EPB41: variants seen among roughly 807,000 people sequenced by gnomAD.
The protein encoded by EPB41 is erythrocyte membrane protein band 4.1.
Under a neutral mutation model 108.0 loss-of-function variants are expected in EPB41, and 65 were observed. That is an observed-to-expected ratio of 0.60 (90% CI 0.49 to 0.74). EPB41 has a LOEUF of 0.74. EPB41 is among the 30% of genes least tolerant of loss of function. The pLI, the probability that EPB41 is intolerant of heterozygous loss-of-function variation, is 0.00. For synonymous variants in EPB41, 336 were observed against 358.9 expected (o/e 0.94, Z 0.72); for missense variants, 875 against 1,037.0 (o/e 0.84, Z 2.15).
intron 7 of EPB41, among the ~76,000 whole-genome samples, chr1:29,021,015 A>G (rs1053344737): frequency 6.6e-6 from 1 of 152,170 alleles, no homozygotes; most frequent in Non-Finnish European, 1.5e-5. Flanking sequence ...CTCTCATCCA[A>G]TGCTTGATTC....
intron 11 of EPB41, among the ~76,000 whole-genome samples, chr1:29,046,347 T>C (rs1048840744): frequency 6.6e-6 from 1 of 152,070 alleles, no homozygotes; most frequent in African/African-American, 2.4e-5. Flanking sequence ...CAGGCTGTTC[T>C]CGAACTCCTG....
chr1:28,890,693 A>T (rs74067226), intron 1 of EPB41, among the ~76,000 whole-genome samples: 78 of 152,360 alleles, frequency 5.1e-4, no homozygotes, highest in African/African-American at 1.8e-3. Flanking sequence ...ACGCTGCATT[A>T]ACTCATTCAA....
intron 1 of EPB41, among the ~76,000 whole-genome samples, chr1:28,933,928 A>G (rs969789266): frequency 6.6e-6 from 1 of 152,182 alleles, no homozygotes; most frequent in Non-Finnish European, 1.5e-5. Flanking sequence ...TTTTAACATT[A>G]GTAAACTGAT....
chr1:29,008,630 A>T (rs12075737), intron 4 of EPB41, among the ~76,000 whole-genome samples: 18,698 of 152,126 alleles, frequency 0.12, 1,584 homozygotes, highest in African/African-American at 0.25. Flanking sequence ...GGCTACAGTC[A>T]TGCTTTCTCT....
At chr1:28,934,320 A>G (rs568142402) in intron 1 of EPB41, among the ~76,000 whole-genome samples, 17 of 152,244 alleles carry the variant, frequency 1.1e-4, no homozygotes, top group African/African-American at 3.6e-4. Context: ...CCTTGGTCTT[A>G]AGGTAGTTTA....
intron 1 of EPB41, among the ~76,000 whole-genome samples, chr1:28,920,245 G>A (rs1381976654): frequency 2.0e-5 from 3 of 152,080 alleles, no homozygotes; most frequent in South Asian, 4.1e-4. Context: ...CTACAATTCT[G>A]TTCTGTTATC....
At chr1:29,089,004 A>G (rs568060509) in intron 16 of EPB41, among the ~76,000 whole-genome samples, 10 of 152,328 alleles carry the variant, frequency 6.6e-5, no homozygotes, top group Admixed American at 3.9e-4. Flanking sequence ...CCTACTTGAA[A>G]TACCTTCTGG....
At chr1:28,906,058 A>C (rs770471827) in intron 1 of EPB41, among the ~76,000 whole-genome samples, 69 of 151,966 alleles carry the variant, frequency 4.5e-4, no homozygotes, top group Non-Finnish European at 9.0e-4. Context: ...GCCTCAACTG[A>C]TCCACCTCCC....
At chr1:29,110,929 G>A (rs1313970754) in intron 18 of EPB41, among the ~76,000 whole-genome samples, 1 of 152,178 alleles carries the variant, frequency 6.6e-6, no homozygotes, top group African/African-American at 2.4e-5. Flanking sequence ...CACTTTGGGA[G>A]GCCAAGGCGG....
At chr1:29,111,931 C>T (rs1389506838) in intron 18 of EPB41, among the ~76,000 whole-genome samples, 2 of 149,556 alleles carry the variant, frequency 1.3e-5, no homozygotes, top group African/African-American at 4.9e-5. Flanking sequence ...GAGCCGAGAT[C>T]ACACCACTAC....
At chr1:29,104,942 C>T (rs559915249) in intron 17 of EPB41, among the ~76,000 whole-genome samples, 10 of 152,062 alleles carry the variant, frequency 6.6e-5, no homozygotes, top group South Asian at 6.3e-4. Flanking sequence ...AGGCTGATCT[C>T]GAACTCCTGG....
At chr1:28,947,405 T>TCAGTCAGA (rs1557772567) in intron 1 of EPB41, among the ~76,000 whole-genome samples, 1 of 114,564 alleles carries the variant, frequency 8.7e-6, no homozygotes, top group Admixed American at 1.1e-4. Context: ...AGACTCCGTC[T>TCAGTCAGA]CAGACAAACA....
chr1:29,005,550 C>G (rs2096385550), intron 4 of EPB41, among the ~76,000 whole-genome samples: 1 of 152,154 alleles, frequency 6.6e-6, no homozygotes, highest in African/African-American at 2.4e-5. Context: ...ATTTATTATT[C>G]AAATAGTATC....
At chr1:29,113,851 G>A (rs898008208) in intron 19 of EPB41, among the ~76,000 whole-genome samples, 3 of 152,172 alleles carry the variant, frequency 2.0e-5, no homozygotes, top group African/African-American at 7.2e-5. Context: ...GGTACACTCT[G>A]GCTGGCGAGG....
chr1:28,918,913 T>C (rs948234665), intron 1 of EPB41, among the ~76,000 whole-genome samples: 18 of 152,118 alleles, frequency 1.2e-4, no homozygotes, highest in African/African-American at 4.1e-4. Context: ...TTTTTAAGAG[T>C]GGGTTCATGG....
intron 6 of EPB41, 102 bp downstream of exon 6, chr1:29,015,869 C>A: frequency 1.2e-6 from 1 of 804,598 alleles, no homozygotes; most frequent in Non-Finnish European, 2.1e-6. Flanking sequence ...GTATTCAGAA[C>A]TGAAGAAAAA....
intron 1 of EPB41, among the ~76,000 whole-genome samples, chr1:28,900,135 A>C (rs965610811): frequency 6.6e-6 from 1 of 152,154 alleles, no homozygotes; most frequent in Admixed American, 6.6e-5. Flanking sequence ...TTGAGAAGGA[A>C]GGACTTGAGA....
chr1:29,004,704 G>A (rs190074108), intron 4 of EPB41, among the ~76,000 whole-genome samples: 1 of 152,218 alleles, frequency 6.6e-6, no homozygotes, highest in East Asian at 1.9e-4. Context: ...TGGTTTTTTG[G>A]GGTTTTGTTT....
At position 29,023,274 on chromosome 1, in the gene EPB41, C is replaced by T. The variant is rs768423059; in HGVS notation, c.1124+4832C>T. On this transcript the variant is annotated intron_variant, in intron 7 of 20. Coordinates refer to ENST00000343067, the MANE Select transcript of EPB41 (RefSeq NM_001376013.1). Reference sequence around the variant, plus strand: ...CCTGCTAAGGTGCTGGGATTACAGACGTAAGCCACCGTGCTTGGCTGGATT... The same window carrying T: ...CCTGCTAAGGTGCTGGGATTACAGATGTAAGCCACCGTGCTTGGCTGGATT... Among the ~76,000 whole-genome samples the T allele has an allele frequency of 3.3e-5, 5 of 151,562 alleles. No homozygotes were observed. The East Asian group carries it at 7.8e-4, about 24-fold the overall frequency.
Sources: allele counts gnomAD v4.1 joint callset (sites outside exome capture counted in the v4.1 genomes callset), GRCh38; gene constraint gnomAD v4.1.1; transcripts MANE v1.5; gene names NCBI Gene and HGNC (gene_info 2026-07-23, HGNC 2026-07-21).